The following HPSE2 variants were observed in gnomAD, a reference collection of about 807,000 sequenced individuals.
HPSE2 encodes the protein heparanase 2 (inactive), also known as inactive heparanase-2.
A neutral mutation model predicts 60.5 loss-of-function variants in HPSE2; 38 were observed. The ratio of observed to expected loss-of-function variants is 0.63; its 90% confidence interval spans 0.48 to 0.82. HPSE2 has a LOEUF of 0.82. HPSE2 is among the 40% of genes least tolerant of loss of function. The pLI, the probability that HPSE2 is intolerant of heterozygous loss-of-function variation, is 0.00. For synonymous variants in HPSE2, 295 were observed against 293.2 expected, an observed-to-expected ratio of 1.01 and a Z score of -0.06; for missense variants, 713 against 740.4, an observed-to-expected ratio of 0.96 and a Z score of 0.43.
intron 3 of HPSE2, among the ~76,000 whole-genome samples, chr10:98,765,173 A>T (rs1341234747): frequency 6.6e-6 from 1 of 152,210 alleles, no homozygotes; most frequent in Non-Finnish European, 1.5e-5. Flanking sequence ...ACCTAACAGA[A>T]ACTTGAAGAA....
intron 3 of HPSE2, among the ~76,000 whole-genome samples, chr10:98,983,228 T>C (rs1369902071): frequency 1.3e-5 from 2 of 152,148 alleles, no homozygotes; most frequent in Non-Finnish European, 2.9e-5. Flanking sequence ...ATGAAATAAT[T>C]ATACAACTCA....
intron 3 of HPSE2, among the ~76,000 whole-genome samples, chr10:98,854,740 G>C (rs1230947375): frequency 6.6e-6 from 1 of 152,174 alleles, no homozygotes; most frequent in African/African-American, 2.4e-5. Context: ...CACTAAGAGA[G>C]AGGGCACTCA....
chr10:99,208,279 A>G (rs974599396), intron 2 of HPSE2, among the ~76,000 whole-genome samples: 49 of 152,270 alleles, frequency 3.2e-4, no homozygotes, highest in Middle Eastern at 3.4e-3. Flanking sequence ...AAGACAAGAC[A>G]GGAAGAAAGA....
chr10:99,110,338 C>T (rs143054845), intron 3 of HPSE2, among the ~76,000 whole-genome samples: 5 of 152,278 alleles, frequency 3.3e-5, no homozygotes, highest in Middle Eastern at 3.4e-3. Flanking sequence ...AACGTAGAAA[C>T]TGCTCCTCAG....
chr10:99,134,538 C>T (rs938883022), intron 3 of HPSE2, among the ~76,000 whole-genome samples: 1 of 152,214 alleles, frequency 6.6e-6, no homozygotes, highest in Non-Finnish European at 1.5e-5. Context: ...AGAAACCCTA[C>T]AAGCCAGAAA....
At chr10:99,229,392 C>A (rs527762591) in intron 2 of HPSE2, among the ~76,000 whole-genome samples, 2 of 152,236 alleles carry the variant, frequency 1.3e-5, no homozygotes, top group South Asian at 4.1e-4. Context: ...TCTGTAAAAG[C>A]TTCAGTCTCA....
chr10:98,814,307 A>G (rs1951236050), intron 3 of HPSE2, among the ~76,000 whole-genome samples: 1 of 152,210 alleles, frequency 6.6e-6, no homozygotes, highest in South Asian at 2.1e-4. Flanking sequence ...TTTATAGCCT[A>G]TAATTTAGCT....
At chr10:98,626,446 C>T (rs1226779582) in intron 7 of HPSE2, among the ~76,000 whole-genome samples, 2 of 152,094 alleles carry the variant, frequency 1.3e-5, no homozygotes, top group African/African-American at 4.8e-5. Context: ...TGAGAGTAGC[C>T]AGAGCCTATC....
chr10:99,240,310 C>T (rs1390739556), upstream of HPSE2, among the ~76,000 whole-genome samples: 1 of 151,826 alleles, frequency 6.6e-6, no homozygotes, highest in Non-Finnish European at 1.5e-5. Context: ...GTGAATGGGA[C>T]TACTGGGATA....
rs1278592661 is a variant in HPSE2, at chr10:98,459,609, T to C, written c.1744A>G (p.Lys582Glu). Residue 582 changes from lysine (K) to glutamate (E), a missense_variant, in exon 12 of 12, where the codon AAG (lysine) becomes GAG (glutamate). Transcript: ENST00000370552. Reference sequence around the variant, plus strand: ...CGGCAGGCCAAAGCATTGACATTCTTGACCACATAAAAGCCCATGGTGACT... The same window carrying C: ...CGGCAGGCCAAAGCATTGACATTCTCGACCACATAAAAGCCCATGGTGACT... ...PPVTMGFYVVKNVNALACRYR is the reference protein window; with the variant it reads ...PPVTMGFYVVENVNALACRYR 1 of 1,614,162 alleles carries C rather than the reference T, an allele frequency of 6.2e-7. No individual in the cohort carries two copies. The highest frequency in any genetic ancestry group is 1.1e-5 in the South Asian group (1 of 91,080).
At chr10:98,868,851 A>C (rs186149169) in intron 3 of HPSE2, among the ~76,000 whole-genome samples, 8 of 152,242 alleles carry the variant, frequency 5.3e-5, no homozygotes, top group African/African-American at 1.9e-4. Context: ...TCTTTGACTA[A>C]TGTTTACTAG....
chr10:99,189,893 T>C (rs1352160898), intron 2 of HPSE2, among the ~76,000 whole-genome samples: 1 of 152,216 alleles, frequency 6.6e-6, no homozygotes, highest in Non-Finnish European at 1.5e-5. Flanking sequence ...ACCAAGTTGT[T>C]GCTGTTCTTT....
chr10:98,624,018 C>T (rs191414211), intron 7 of HPSE2, among the ~76,000 whole-genome samples: 2 of 152,220 alleles, frequency 1.3e-5, no homozygotes. Context: ...AACATTAATG[C>T]ATTATCAAGG....
intron 2 of HPSE2, among the ~76,000 whole-genome samples, chr10:99,181,023 G>A (rs572500695): frequency 6.6e-6 from 1 of 151,948 alleles, no homozygotes; most frequent in Admixed American, 6.5e-5. Context: ...GATTCTTCAA[G>A]GATCTAGAAC....
the HPSE2 span, among the ~76,000 whole-genome samples, chr10:99,312,123 T>C: frequency 1.3e-5 from 2 of 152,144 alleles, no homozygotes; most frequent in African/African-American, 2.4e-5. Flanking sequence ...AAAAAAGCCA[T>C]CTCCATAACA....
At position 98,608,391 on chromosome 10, in the gene HPSE2, G is replaced by C. The variant is rs117677671; in HGVS notation, c.1320+6513C>G. Reference sequence around the variant, plus strand: ...AGCTGTTGCAACTGCTAGTGTTGTTGCCGACATCCTGTGCACACCGCTCAG... The same window carrying C: ...AGCTGTTGCAACTGCTAGTGTTGTTCCCGACATCCTGTGCACACCGCTCAG... On this transcript the variant is annotated intron_variant, in intron 9 of 11. Transcript: ENST00000370552. Among the ~76,000 whole-genome samples the C allele has an allele frequency of 9.2e-3, 1,403 of 152,316 alleles. 7 individuals are homozygous for C. Among genetic ancestry groups the C allele is most frequent in the Middle Eastern group, 0.044 (13 of 294 alleles).
At chr10:98,658,917 T>G (rs975497810) in intron 6 of HPSE2, among the ~76,000 whole-genome samples, 31 of 151,928 alleles carry the variant, frequency 2.0e-4, no homozygotes, top group Non-Finnish European at 3.4e-4. Flanking sequence ...GCAGAGTTTT[T>G]TTTTTTTTTT....
At chr10:99,265,642 T>C in the HPSE2 span, among the ~76,000 whole-genome samples, 1 of 152,106 alleles carries the variant, frequency 6.6e-6, no homozygotes, top group Non-Finnish European at 1.5e-5. Flanking sequence ...CAGGACTAAA[T>C]TGCAGCTCCC....
intron 3 of HPSE2, among the ~76,000 whole-genome samples, chr10:98,794,996 G>C (rs1286095126): frequency 6.8e-6 from 1 of 147,222 alleles, no homozygotes; most frequent in Middle Eastern, 3.5e-3. Flanking sequence ...GAAAGGGAGG[G>C]GAGGGAGGAA....
Sources: allele counts gnomAD v4.1 joint callset (sites outside exome capture counted in the v4.1 genomes callset), GRCh38; gene constraint gnomAD v4.1.1; transcripts MANE v1.5; gene names NCBI Gene and HGNC (gene_info 2026-07-23, HGNC 2026-07-21).